The following CSGALNACT1 variants were observed in gnomAD, a reference collection of about 807,000 sequenced individuals.
CSGALNACT1 encodes the protein chondroitin sulfate N-acetylgalactosaminyltransferase 1.
In CSGALNACT1, 52 loss-of-function variants were observed where a neutral mutation model predicts 51.0. The observed-to-expected ratio is 1.02, with a 90% CI of 0.82 to 1.29. The LOEUF (loss-of-function observed/expected upper bound fraction) is 1.29, where lower values mean the gene tolerates loss of function less well. CSGALNACT1 is among the 50% of genes most tolerant of loss of function. The probability of loss-of-function intolerance (pLI) is 0.00; values close to 1 mark genes in which losing one functional copy is unlikely to be tolerated. For synonymous variants in CSGALNACT1, 341 were observed against 254.4 expected, an observed-to-expected ratio of 1.34 and a Z score of -3.24; for missense variants, 935 against 679.2, an observed-to-expected ratio of 1.38 and a Z score of -4.19.
At chr8:19,728,542 C>T (rs1398237458) in intron 1 of CSGALNACT1, among the ~76,000 whole-genome samples, 1 of 146,894 alleles carries the variant, frequency 6.8e-6, no homozygotes, top group Non-Finnish European at 1.5e-5. Flanking sequence ...TTAGGTCAGA[C>T]TTATAATCCT....
At chr8:19,458,338 AG>A in intron 5 of CSGALNACT1, 87 bp downstream of exon 4, 1 of 1,076,868 alleles carries the variant, frequency 9.3e-7, no homozygotes, top group Admixed American at 1.7e-5. Flanking sequence ...TGTACTCGGC[AG>A]GGGAAATGAA....
intron 4 of CSGALNACT1, among the ~76,000 whole-genome samples, chr8:19,503,434 A>T (rs556586117): frequency 6.6e-6 from 1 of 152,364 alleles, no homozygotes; most frequent in African/African-American, 2.4e-5. Context: ...ATAGATTTCA[A>T]ATATGAATGC....
At chr8:19,717,251 A>C (rs1369542912) in intron 1 of CSGALNACT1, among the ~76,000 whole-genome samples, 1 of 152,260 alleles carries the variant, frequency 6.6e-6, no homozygotes, top group Non-Finnish European at 1.5e-5. Context: ...ACCAGTTAAA[A>C]GGCATATGTA....
At chr8:19,678,289 T>C (rs1455247451) in intron 1 of CSGALNACT1, among the ~76,000 whole-genome samples, 2 of 152,208 alleles carry the variant, frequency 1.3e-5, no homozygotes, top group African/African-American at 4.8e-5. Flanking sequence ...TAGAGGGCTC[T>C]TTAGAATTAG....
intron 6 of CSGALNACT1, among the ~76,000 whole-genome samples, chr8:19,422,043 G>A (rs779875654): frequency 6.6e-6 from 1 of 152,100 alleles, no homozygotes; most frequent in Non-Finnish European, 1.5e-5. Flanking sequence ...TGGATTTGAG[G>A]CAAGTCACTC....
chr8:19,549,539 T>C (rs1404189204), intron 3 of CSGALNACT1, among the ~76,000 whole-genome samples: 1 of 152,076 alleles, frequency 6.6e-6, no homozygotes, highest in African/African-American at 2.4e-5. Flanking sequence ...CTTCATCCCC[T>C]GGTCCAATCA....
At chr8:19,604,389 C>T (rs562256554), upstream of CSGALNACT1, among the ~76,000 whole-genome samples, 44 of 152,302 alleles carry the variant, frequency 2.9e-4, no homozygotes, top group Middle Eastern at 3.4e-3. Context: ...GAACTCATTC[C>T]AACCACAACA....
At chr8:19,506,746 C>G (rs1408692398) in intron 3 of CSGALNACT1, among the ~76,000 whole-genome samples, 4 of 152,298 alleles carry the variant, frequency 2.6e-5, no homozygotes, top group African/African-American at 4.8e-5. Context: ...TCCCCACTCC[C>G]TCCTGCTCCC....
At chr8:19,453,535 C>A (rs2063554325) in intron 5 of CSGALNACT1, among the ~76,000 whole-genome samples, 1 of 152,112 alleles carries the variant, frequency 6.6e-6, no homozygotes, top group Non-Finnish European at 1.5e-5. Context: ...AAACAGAACT[C>A]AAAAATAAAG....
chr8:19,559,365 C>T (rs1452139232), intron 3 of CSGALNACT1, among the ~76,000 whole-genome samples: 3 of 152,158 alleles, frequency 2.0e-5, no homozygotes, highest in African/African-American at 7.2e-5. Context: ...AAAAATACTA[C>T]CGCAAACATC....
At position 19,679,225 on chromosome 8, in the gene CSGALNACT1, C is replaced by T. The variant is rs538385405; in HGVS notation, c.-544+3248G>A. Reference sequence around the variant, plus strand: ...CCCAGCACTTTGGGAGGCCGAGTAACGTGGATCGCTTGAGCTCAGGAGTTC... The same window carrying T: ...CCCAGCACTTTGGGAGGCCGAGTAATGTGGATCGCTTGAGCTCAGGAGTTC... On this transcript the variant is annotated intron_variant, in intron 1 of 9. Transcript: ENST00000332246. 5.9e-5 allele frequency among the ~76,000 whole-genome samples: 9 copies of T among 152,176 alleles called. No homozygotes were observed. In the East Asian group the frequency reaches 7.7e-4, roughly 13 times the overall value.
intron 4 of CSGALNACT1, among the ~76,000 whole-genome samples, chr8:19,466,225 A>G (rs1341598946): frequency 1.3e-5 from 2 of 152,242 alleles, no homozygotes; most frequent in Non-Finnish European, 2.9e-5. Context: ...TGAGAGTGGT[A>G]AATACTGTCA....
intron 5 of CSGALNACT1, among the ~76,000 whole-genome samples, chr8:19,449,969 G>A (rs2062805557): frequency 6.7e-6 from 1 of 149,976 alleles, no homozygotes; most frequent in Non-Finnish European, 1.5e-5. Flanking sequence ...GTAACCGGCT[G>A]GCTTAAAATC....
At chr8:19,667,008 A>AAGG (rs1564386127) in intron 1 of CSGALNACT1, among the ~76,000 whole-genome samples, 14 of 31,444 alleles carry the variant, frequency 4.5e-4, no homozygotes, top group Admixed American at 1.3e-3. Flanking sequence ...AGAAAGAAAG[A>AAGG]AAGAAAGAAA....
chr8:19,561,541 T>C lies in CSGALNACT1; in HGVS notation c.-297+29619A>G, dbSNP rs186776955. The stretch of plus-strand genomic sequence containing the variant: ...CCCAGATCCTGTGAAAAAATTCAAA[T>C]CTAACTGTGGCTTATACCTGCTGCT... On this transcript the variant is annotated intron_variant, in intron 3 of 9. Transcript: ENST00000454498. Among the ~76,000 whole-genome samples the C allele has an allele frequency of 6.1e-3, 931 of 152,278 alleles. 8 individuals carry two copies. The highest frequency in any genetic ancestry group is 9.0e-3 in the Non-Finnish European group (610 of 68,032).
intron 1 of CSGALNACT1, among the ~76,000 whole-genome samples, chr8:19,617,131 C>T (rs546356330): frequency 1.9e-4 from 29 of 152,254 alleles, no homozygotes; most frequent in African/African-American, 5.8e-4. Context: ...TCATAAGGAG[C>T]GCACAACCTA....
At chr8:19,412,462 C>T (rs922514703) in intron 8 of CSGALNACT1, among the ~76,000 whole-genome samples, 4 of 152,200 alleles carry the variant, frequency 2.6e-5, no homozygotes, top group African/African-American at 9.7e-5. Context: ...TTTAATGGTG[C>T]CGACTTGGCC....
chr8:19,558,921 C>A (rs1434346309), intron 3 of CSGALNACT1, among the ~76,000 whole-genome samples: 1 of 152,074 alleles, frequency 6.6e-6, no homozygotes, highest in African/African-American at 2.4e-5. Context: ...TCATTATTAG[C>A]TAAACTGGAA....
intron 3 of CSGALNACT1, among the ~76,000 whole-genome samples, chr8:19,539,814 C>T (rs2084668019): frequency 6.6e-6 from 1 of 152,160 alleles, no homozygotes; most frequent in Non-Finnish European, 1.5e-5. Flanking sequence ...TACACCCCTG[C>T]TGAGGGGAGT....
Sources: gnomAD v4.1 joint callset for allele counts (sites outside exome capture counted in the v4.1 genomes callset) on GRCh38, gnomAD v4.1.1 for gene constraint, MANE v1.5 for transcripts, NCBI Gene and HGNC (gene_info 2026-07-23, HGNC 2026-07-21) for gene names.